Variants in CEP72 observed in about 807,000 individuals in gnomAD.
CEP72 encodes the protein centrosomal protein of 72 kDa.
CEP72 carries 78 observed loss-of-function variants against 65.7 expected under a neutral mutation model. The ratio of observed to expected loss-of-function variants is 1.19; its 90% CI spans 0.99 to 1.43. The LOEUF (loss-of-function observed/expected upper bound fraction) is 1.43. Among genes scored for constraint, CEP72 ranks in the 40% most tolerant of loss-of-function variants. The pLI, the probability that CEP72 is intolerant of heterozygous loss-of-function variation, is 0.00. For missense variants in CEP72, 914 were observed against 832.9 expected, an observed-to-expected ratio of 1.10 and a Z score of -1.20; for synonymous variants, 358 against 351.7, an observed-to-expected ratio of 1.02 and a Z score of -0.20.
At chr5:648,558 AGGTGTG>A (rs1394745905) in intron 11 of CEP72, among the ~76,000 whole-genome samples, 15 of 116,780 alleles carry the variant, frequency 1.3e-4, no homozygotes, top group African/African-American at 5.0e-4. Flanking sequence ...TGTGACTGTG[AGGTGTG>A]GACTGTGAGG....
chr5:641,515 CTT>C lies in CEP72; in HGVS notation c.1539+913_1539+914del, dbSNP rs199879852. On this transcript the variant is annotated intron_variant, in intron 9 of 11. Transcript: ENST00000264935. ...TCAGAGATCCCACACAACGCTTCCT[CTT>C]TAGAGAAGAAAAACACAGCAAAACA... 2.1e-3 allele frequency: 2,091 copies of C among 984,620 alleles called. 40 individuals are homozygous for C. In the African/African-American group the frequency reaches 0.035, roughly 17 times the overall value. The allele number at this position is 984,620 out of a possible 1,614,324, so 61.0% of individuals were successfully genotyped here. A position where few individuals can be genotyped will look rare whatever the true frequency, so the allele number is the denominator to read the frequency against.
intron 9 of CEP72, chr5:643,750 A>G (rs1388975180): frequency 1.3e-6 from 1 of 769,814 alleles, no homozygotes. Flanking sequence ...CCCTGGGGCC[A>G]GGGAGGGGCA....
At chr5:618,206 C>T (rs920939251) in intron 1 of CEP72, among the ~76,000 whole-genome samples, 11 of 152,146 alleles carry the variant, frequency 7.2e-5, no homozygotes, top group South Asian at 2.1e-4. Flanking sequence ...TGGGAAGAAG[C>T]GTGTGGGCTT....
chr5:649,327 C>T (rs1408304299), intron 11 of CEP72, among the ~76,000 whole-genome samples: 2 of 87,012 alleles, frequency 2.3e-5, no homozygotes, highest in South Asian at 4.1e-4. Context: ...GACTGTGAGG[C>T]GTGACTGTGA....
intron 9 of CEP72, chr5:643,197 T>C (rs931094809): frequency 1.0e-6 from 1 of 985,286 alleles, no homozygotes; most frequent in Non-Finnish European, 1.2e-6. Flanking sequence ...AGAGGGAGAC[T>C]TTGCCTCAAA....
downstream of CEP72, chr5:661,266 CCTCT>C (rs1422222516): frequency 1.3e-5 from 2 of 153,510 alleles, no homozygotes; most frequent in African/African-American, 4.8e-5. Flanking sequence ...AGAACCTGTC[CCTCT>C]CTCCTGGTGT....
At chr5:637,271 C>T (rs1311729224) in intron 6 of CEP72, among the ~76,000 whole-genome samples, 3 of 152,212 alleles carry the variant, frequency 2.0e-5, no homozygotes, top group South Asian at 2.1e-4. Context: ...CCAGAGTTTG[C>T]GTGTTAGCAC....
At chr5:673,425 G>A in the CEP72 span, among the ~76,000 whole-genome samples, 3 of 152,062 alleles carry the variant, frequency 2.0e-5, no homozygotes, top group Non-Finnish European at 2.9e-5. Flanking sequence ...GCCCTGGGGG[G>A]CCAGGGTCAC....
chr5:637,398 G>A (rs891551115), intron 6 of CEP72, 119 bp from the exon 7 acceptor site: 1 of 780,850 alleles, frequency 1.3e-6, no homozygotes, highest in Non-Finnish European at 2.1e-6. Context: ...ATGTAAGTGT[G>A]CGTGTGTGTC....
At chr5:658,730 G>A (rs900154791), downstream of CEP72, among the ~76,000 whole-genome samples, 6 of 122,500 alleles carry the variant, frequency 4.9e-5, no homozygotes, top group East Asian at 2.7e-4. Flanking sequence ...GTGCAGTGGC[G>A]TGATCTCGGC....
chr5:661,943 C>T (rs1184884844), downstream of CEP72: 1 of 152,390 alleles, frequency 6.6e-6, no homozygotes, highest in Non-Finnish European at 1.5e-5. Flanking sequence ...GGCACCAACC[C>T]TGGAAGTGTG....
At chr5:664,654 C>T (rs1580069894) in intron 2 of CEP72, 1 of 170,736 alleles carries the variant, frequency 5.9e-6, no homozygotes, top group African/African-American at 2.4e-5. Context: ...CCTCCCACGT[C>T]CGGTGTGGGG....
At chr5:675,213 CGGGGGTGCAGTGTGGCT>C in the CEP72 span, among the ~76,000 whole-genome samples, 1 of 44,992 alleles carries the variant, frequency 2.2e-5, no homozygotes, top group East Asian at 7.8e-4. Flanking sequence ...TCAGTGTAGC[CGGGGGTGCAGTGTGGCT>C]GGGGGTGCAG....
intron 1 of CEP72, among the ~76,000 whole-genome samples, chr5:616,484 T>C (rs1735996662): frequency 6.6e-6 from 1 of 152,240 alleles, no homozygotes; most frequent in Admixed American, 6.5e-5. Context: ...GACTGTGTTT[T>C]CTCATTCAAA....
chr5:650,605 G>T (rs1170553434), intron 11 of CEP72, among the ~76,000 whole-genome samples: 1 of 21,776 alleles, frequency 4.6e-5, no homozygotes, highest in African/African-American at 7.7e-4. Context: ...AGGTGTGACT[G>T]TGAGGCGTGG....
chr5:644,346 G>A lies in CEP72; in HGVS notation c.1587G>A (p.Arg529=). The A allele has an allele frequency of 6.2e-7, 1 of 1,613,926 alleles. No individual in the cohort carries two copies. Among genetic ancestry groups the A allele is most frequent in the Middle Eastern group, 1.7e-4 (1 of 6,060 alleles). The part of the protein sequence containing the change: ...HLDKSLEENS[R]LKSLLLSMKK... ...ATAAATCTTTGGAAGAGAACAGTAG[G>A]TTAAAATCGCTTTTGTTGAGTATGA... The change falls in exon 10 of 12, where the codon AGG becomes AGA. Residue 529 remains arginine, a synonymous_variant. Coordinates refer to ENST00000264935, the MANE Select transcript of CEP72 (RefSeq NM_018140.4).
intron 10 of CEP72, among the ~76,000 whole-genome samples, chr5:644,970 G>T (rs915964828): frequency 5.9e-5 from 9 of 151,578 alleles, no homozygotes. Flanking sequence ...AGTATTTCAA[G>T]TTCAGATACC....
At chr5:657,680 C>T (rs1326030639), downstream of CEP72, among the ~76,000 whole-genome samples, 6 of 152,154 alleles carry the variant, frequency 3.9e-5, no homozygotes, top group African/African-American at 1.4e-4. Context: ...GGGCTGGGGC[C>T]GTGTGACTAC....
chr5:668,559 C>T (rs1191201070), downstream of CEP72, among the ~76,000 whole-genome samples: 1 of 152,232 alleles, frequency 6.6e-6, no homozygotes, highest in Non-Finnish European at 1.5e-5. Flanking sequence ...AAATAAACTG[C>T]CGGCACCTCG....
Sources: gnomAD v4.1 joint callset for allele counts (sites outside exome capture counted in the v4.1 genomes callset) on GRCh38, gnomAD v4.1.1 for gene constraint, MANE v1.5 for transcripts, NCBI Gene and HGNC (gene_info 2026-07-23, HGNC 2026-07-21) for gene names.